The following TENM2 variants were observed in gnomAD, a reference collection of about 807,000 sequenced individuals.
The protein encoded by TENM2 is teneurin-2.
Under a neutral mutation model 245.2 loss-of-function variants are expected in TENM2, and 52 were observed. That is an observed-to-expected ratio of 0.21 (90% confidence interval 0.17 to 0.27). The LOEUF is 0.27. TENM2 is among the 10% of genes least tolerant of loss of function. The pLI is 1.00. For missense variants in TENM2, 3,046 were observed against 3,666.8 expected (o/e 0.83, Z 4.37); for synonymous variants, 1,363 against 1,438.9 (o/e 0.95, Z 1.19).
At chr5:167,278,853 C>T in the TENM2 span, among the ~76,000 whole-genome samples, 2 of 152,128 alleles carry the variant, frequency 1.3e-5, no homozygotes, top group Non-Finnish European at 2.9e-5. Flanking sequence ...TACATTTGCT[C>T]ATATTTTTGC....
the TENM2 span, among the ~76,000 whole-genome samples, chr5:167,151,710 G>C: frequency 2.0e-5 from 3 of 151,986 alleles, no homozygotes; most frequent in African/African-American, 7.3e-5. Flanking sequence ...GTAGAGATGG[G>C]GTTTCACCAT....
chr5:167,059,714 T>A, the TENM2 span, among the ~76,000 whole-genome samples: 1 of 56,812 alleles, frequency 1.8e-5, no homozygotes, highest in Non-Finnish European at 3.4e-5. Flanking sequence ...ATGTCTTTTT[T>A]TTTTTTTTGA....
At chr5:168,198,023 T>G (rs1041675518) in intron 15 of TENM2, among the ~76,000 whole-genome samples, 3 of 152,104 alleles carry the variant, frequency 2.0e-5, no homozygotes, top group Non-Finnish European at 4.4e-5. Flanking sequence ...GCTAAGTGCT[T>G]TACACGAGTG....
intron 2 of TENM2, among the ~76,000 whole-genome samples, chr5:167,452,960 TA>T (rs371970659): frequency 2.6e-4 from 25 of 96,484 alleles, no homozygotes; most frequent in African/African-American, 7.5e-4. Context: ...TATATATATA[TA>T]TTTAAAAAAA....
the TENM2 span, among the ~76,000 whole-genome samples, chr5:167,245,841 A>G: frequency 2.7e-4 from 41 of 152,278 alleles, no homozygotes; most frequent in African/African-American, 9.4e-4. Context: ...CTGGAGGTAG[A>G]AACTGGCAGA....
intron 2 of TENM2, among the ~76,000 whole-genome samples, chr5:167,471,122 A>G (rs1342428717): frequency 6.6e-6 from 1 of 152,218 alleles, no homozygotes; most frequent in African/African-American, 2.4e-5. Context: ...CCCCTAACTT[A>G]GAAAGCAAGT....
the TENM2 span, among the ~76,000 whole-genome samples, chr5:167,044,026 T>TGGAAGGAAGGA: frequency 1.4e-5 from 1 of 71,928 alleles, no homozygotes; most frequent in Non-Finnish European, 2.9e-5. Flanking sequence ...CTCAAATAAA[T>TGGAAGGAAGGA]AGTAAGGACA....
At chr5:167,477,440 G>A (rs1016868804) in intron 2 of TENM2, among the ~76,000 whole-genome samples, 2 of 152,058 alleles carry the variant, frequency 1.3e-5, no homozygotes, top group Non-Finnish European at 2.9e-5. Flanking sequence ...TGGCGGGTGG[G>A]GGGGGAGGTC....
At chr5:168,126,038 C>G (rs1327996638) in intron 11 of TENM2, among the ~76,000 whole-genome samples, 1 of 152,164 alleles carries the variant, frequency 6.6e-6, no homozygotes, top group Non-Finnish European at 1.5e-5. Context: ...TGCTTGTCCT[C>G]GCGTGAGAGG....
rs544735192 is a variant in TENM2 at position 168,112,341 on chromosome 5, C to T, written c.1814-5951C>T. 4.9e-4 allele frequency among the ~76,000 whole-genome samples: 75 copies of T among 152,054 alleles called. 1 individual carries two copies. Among genetic ancestry groups the T allele is most frequent in the Middle Eastern group, 3.4e-3 (1 of 294 alleles). On this transcript the variant is annotated intron_variant, in intron 9 of 28. Transcript: ENST00000518659. ...TCACTCAGGTATTAAGCCTAGCGCC[C>T]ACTAGTTATTTTTCCTGATCCTCTC...
chr5:168,053,192 C>T (rs1789254741), intron 6 of TENM2, among the ~76,000 whole-genome samples: 1 of 152,228 alleles, frequency 6.6e-6, no homozygotes, highest in South Asian at 2.1e-4. Context: ...AACCCAACAA[C>T]TCCCCTCATT....
In TENM2 at chr5:167,581,470, A is replaced by G. The variant is rs1775087690; in HGVS notation, c.502+205997A>G. ...TTTAAATGAGAATTTAAGCAGTAAT[A>G]TAGTACATAAACTGAAAATGTAAAA... On this transcript the variant is annotated intron_variant, in intron 2 of 28. Transcript: ENST00000518659. 2.0e-5 allele frequency among the ~76,000 whole-genome samples: 3 copies of G among 152,232 alleles called. No homozygotes were observed. In the South Asian group the frequency reaches 6.2e-4, roughly 31 times the overall value.
chr5:167,508,972 C>G (rs1031885022), intron 2 of TENM2, among the ~76,000 whole-genome samples: 3 of 152,116 alleles, frequency 2.0e-5, no homozygotes, highest in African/African-American at 7.2e-5. Context: ...ACATGTGCCA[C>G]CACGCCCGGC....
chr5:167,999,266 A>C (rs1434593742), intron 5 of TENM2, among the ~76,000 whole-genome samples: 1 of 152,222 alleles, frequency 6.6e-6, no homozygotes, highest in Non-Finnish European at 1.5e-5. Flanking sequence ...AGTCAAGCAA[A>C]TAACATTTCC....
At chr5:167,994,205 A>G (rs1034664011) in intron 5 of TENM2, among the ~76,000 whole-genome samples, 2 of 152,264 alleles carry the variant, frequency 1.3e-5, no homozygotes, top group East Asian at 3.8e-4. Context: ...TGGCTGTGCC[A>G]TGTTGCAAAG....
At chr5:167,010,588 AC>A in the TENM2 span, among the ~76,000 whole-genome samples, 1 of 152,224 alleles carries the variant, frequency 6.6e-6, no homozygotes, top group Non-Finnish European at 1.5e-5. Context: ...TACTTGGAGA[AC>A]TAATAGAGTT....
chr5:167,866,298 A>G (rs1772318660), intron 2 of TENM2, among the ~76,000 whole-genome samples: 1 of 152,176 alleles, frequency 6.6e-6, no homozygotes, highest in African/African-American at 2.4e-5. Flanking sequence ...CAGGAGTTCG[A>G]GACCAGCCTG....
the TENM2 span, among the ~76,000 whole-genome samples, chr5:167,239,797 A>G: frequency 6.6e-6 from 1 of 152,174 alleles, no homozygotes; most frequent in South Asian, 2.1e-4. Flanking sequence ...TTTGAGATGG[A>G]GTTTTGCTCT....
At chr5:167,979,207 G>A (rs887553116) in intron 4 of TENM2, among the ~76,000 whole-genome samples, 1 of 152,106 alleles carries the variant, frequency 6.6e-6, no homozygotes, top group Admixed American at 6.6e-5. Context: ...TGTTACACAG[G>A]TAGGGGGAAA....
Sources: allele counts gnomAD v4.1 joint callset (sites outside exome capture counted in the v4.1 genomes callset), GRCh38; gene constraint gnomAD v4.1.1; transcripts MANE v1.5; gene names NCBI Gene and HGNC (gene_info 2026-07-23, HGNC 2026-07-21).